DDIT4L: variants seen among roughly 807,000 people sequenced by gnomAD.
DDIT4L encodes the protein DNA damage-inducible transcript 4-like protein.
In DDIT4L, 13 loss-of-function variants were observed where a neutral mutation model predicts 15.9. The observed-to-expected ratio is 0.82, with a 90% CI of 0.53 to 1.30. The LOEUF is 1.30. DDIT4L is among the 50% of genes most tolerant of loss of function. The probability of loss-of-function intolerance (pLI) is 0.00; values close to 1 mark genes in which losing one functional copy is unlikely to be tolerated. For missense variants in DDIT4L, 235 were observed against 224.8 expected, an observed-to-expected ratio of 1.05 and a Z score of -0.29; for synonymous variants, 82 against 85.4, an observed-to-expected ratio of 0.96 and a Z score of 0.22.
rs549254098 is a variant in DDIT4L at position 100,188,791 on chromosome 4, C to T, written c.92-624G>A. On this transcript the variant is annotated intron_variant, in intron 2 of 2. Coordinates refer to ENST00000273990, the MANE Select transcript of DDIT4L (RefSeq NM_145244.4). ...CTGTAGGTCCCAATTTTAGCTTTAG[C>T]CTCTTTAATTAAAAATTGTGCAGAG... 1.4e-4 allele frequency among the ~76,000 whole-genome samples: 22 copies of T among 152,264 alleles called. No homozygotes were observed. In the East Asian group the frequency reaches 4.2e-3, roughly 29 times the overall value.
Position 100,189,697 on chromosome 4 carries a change from C to T in DDIT4L, c.91+196G>A, listed in dbSNP as rs74858143. Among the ~76,000 whole-genome samples the T allele has an allele frequency of 6.2e-3, 947 of 152,278 alleles. 11 individuals are homozygous for T. Among genetic ancestry groups the T allele is most frequent in the African/African-American group, 0.022 (908 of 41,556 alleles). On this transcript the variant is annotated intron_variant, in intron 2 of 2. Transcript: ENST00000273990. ...CACCAGACTAGAAAGATGCAGCCCT[C>T]GGGTATTCTACTTTTGCTACTTTTG... is the stretch of plus-strand genomic sequence containing the variant.
Position 100,190,037 on chromosome 4 carries a change from A to G in DDIT4L, c.-49-5T>C. ...CGCAACGGCCTTTCCTGAGCGCTGG[A>G]AAAAATGAGGCGAGAAGAGACGGAT... is the stretch of plus-strand genomic sequence containing the variant. On this transcript the variant is annotated splice_polypyrimidine_tract_variant and splice_region_variant and intron_variant, in intron 1 of 2. Coordinates refer to ENST00000273990, the MANE Select transcript of DDIT4L (RefSeq NM_145244.4). 6.5e-7 allele frequency: 1 copy of G among 1,549,962 alleles called. No individual in the cohort carries two copies.
In DDIT4L at chr4:100,186,291, C is replaced by T. The variant is rs1182807746; in HGVS notation, c.*1386G>A. 1 of 152,094 alleles carries T rather than the reference C, an allele frequency of 6.6e-6. No individual in the cohort carries two copies. The highest frequency in any genetic ancestry group is 1.9e-4 in the East Asian group (1 of 5,190). 9.4% of individuals were successfully genotyped at this position (152,094 alleles called of 1,614,324 possible). A position where few individuals can be genotyped will look rare whatever the true frequency, so the allele number is the denominator to read the frequency against. On this transcript the variant is annotated 3_prime_UTR_variant, in exon 3 of 3. Coordinates refer to ENST00000273990, the MANE Select transcript of DDIT4L (RefSeq NM_145244.4). Reference sequence around the variant, plus strand: ...GGATCACACCTGTTTTTCAGTAACACCAGGATGAATACATCTGTCCCTACG... The same window carrying T: ...GGATCACACCTGTTTTTCAGTAACATCAGGATGAATACATCTGTCCCTACG...
At chr4:100,189,800 G>A in intron 2 of DDIT4L, 93 bp downstream of exon 2, 1 of 1,142,842 alleles carries the variant, frequency 8.8e-7, no homozygotes, top group South Asian at 1.4e-5. Context: ...CTCCTACATA[G>A]AGGTAGGGGA....
In DDIT4L at chr4:100,185,952, T is replaced by C. The variant is rs1429914104; in HGVS notation, c.*1725A>G. The stretch of plus-strand genomic sequence containing the variant: ...GGAATATTAATTTAACAGCCTTCCA[T>C]AAGCCATCACCATTTTGTAAGCATA... On this transcript the variant is annotated 3_prime_UTR_variant, in exon 3 of 3. Transcript: ENST00000273990. 6.6e-6 allele frequency: 1 copy of C among 152,220 alleles called. No individual in the cohort carries two copies. The highest frequency in any genetic ancestry group is 2.4e-5 in the African/African-American group (1 of 41,466). 9.4% of individuals were successfully genotyped at this position (152,220 alleles called of 1,614,324 possible). A position where few individuals can be genotyped will look rare whatever the true frequency, so the allele number is the denominator to read the frequency against.
rs1007172385 is a variant in DDIT4L, at chr4:100,190,031, C to T, written c.-48G>A. 1.3e-6 allele frequency: 2 copies of T among 1,578,536 alleles called. No individual in the cohort carries two copies. Among genetic ancestry groups the T allele is most frequent in the African/African-American group, 1.3e-5 (1 of 74,110 alleles). On this transcript the variant is annotated splice_region_variant and 5_prime_UTR_variant, in exon 2 of 3. Coordinates refer to ENST00000273990, the MANE Select transcript of DDIT4L (RefSeq NM_145244.4). Reference sequence around the variant, plus strand: ...GCGAGGCGCAACGGCCTTTCCTGAGCGCTGGAAAAAATGAGGCGAGAAGAG... The same window carrying T: ...GCGAGGCGCAACGGCCTTTCCTGAGTGCTGGAAAAAATGAGGCGAGAAGAG...
rs1458102920 is a variant in DDIT4L, at chr4:100,187,590, G to A, written c.*87C>T. 2.1e-6 allele frequency: 3 copies of A among 1,437,808 alleles called. No homozygotes were observed. The highest frequency in any genetic ancestry group is 2.8e-6 in the Non-Finnish European group (3 of 1,084,304). 89.1% of individuals were successfully genotyped at this position (1,437,808 alleles called of 1,614,324 possible). ...CATTTGGGGTTTCTTATTTAGGGCA[G>A]GTGGGGCAAACTACAAATGACTTTA... is the stretch of plus-strand genomic sequence containing the variant. On this transcript the variant is annotated 3_prime_UTR_variant, in exon 3 of 3. Transcript: ENST00000273990.
Position 100,190,046 on chromosome 4 carries a change from G to T in DDIT4L, c.-49-14C>A. 1 of 1,509,280 alleles carries T rather than the reference G, an allele frequency of 6.6e-7. No individual in the cohort carries two copies. The highest frequency in any genetic ancestry group is 9.2e-7 in the Non-Finnish European group (1 of 1,088,026). 93.5% of individuals were successfully genotyped at this position (1,509,280 alleles called of 1,614,324 possible). ...CTTTCCTGAGCGCTGGAAAAAATGA[G>T]GCGAGAAGAGACGGATTTGCAAAAG... is the stretch of plus-strand genomic sequence containing the variant. On this transcript the variant is annotated splice_polypyrimidine_tract_variant and intron_variant, in intron 1 of 2. Coordinates refer to ENST00000273990, the MANE Select transcript of DDIT4L (RefSeq NM_145244.4).
chr4:100,187,781 A>C lies in DDIT4L; in HGVS notation c.478T>G (p.Phe160Val). The change falls in exon 3 of 3, where the codon TTC becomes GTC. Residue 160 changes from phenylalanine (F) to valine (V), a missense_variant. Coordinates refer to ENST00000273990, the MANE Select transcript of DDIT4L (RefSeq NM_145244.4). ...AGAGTTCTCCTGAAACCAGAGGAGAAGCGACCTCTACTAAAGAAAAAGTCC... is the reference window on the plus strand; with the variant it reads ...AGAGTTCTCCTGAAACCAGAGGAGACGCGACCTCTACTAAAGAAAAAGTCC... ...FRDFFFSRGRFSSGFRRTLIL... is the reference protein window; with the variant it reads ...FRDFFFSRGRVSSGFRRTLIL... 6.2e-7 allele frequency: 1 copy of C among 1,613,000 alleles called. No homozygotes were observed. Among genetic ancestry groups the C allele is most frequent in the African/African-American group, 1.3e-5 (1 of 74,916 alleles).
chr4:100,186,423 A>G lies in DDIT4L; in HGVS notation c.*1254T>C, dbSNP rs191749805. On this transcript the variant is annotated 3_prime_UTR_variant, in exon 3 of 3. Coordinates refer to ENST00000273990, the MANE Select transcript of DDIT4L (RefSeq NM_145244.4). ...ATATGAAAGCCTTGCTGAATTGAAC[A>G]TTGTTGAGTGGAGGCTAAATTCTCT... 56 of 152,270 alleles carry G rather than the reference A, an allele frequency of 3.7e-4. No individual in the cohort carries two copies. The highest frequency in any genetic ancestry group is 1.3e-3 in the African/African-American group (55 of 41,554). The allele number at this position is 152,270 out of a possible 1,614,324, so 9.4% of individuals were successfully genotyped here. A position where few individuals can be genotyped will look rare whatever the true frequency, so the allele number is the denominator to read the frequency against.
At position 100,189,914 on chromosome 4, in the gene DDIT4L, G is replaced by A; in HGVS notation, c.70C>T (p.His24Tyr). ...TCACCACTTAGCAGGCTCTCTGGGT[G>A]ATAGCCACAGTCCAGCAATTCTGAA... Reference protein sequence around the residue: ...SISELLDCGYHPESLLSDFDY... With the variant: ...SISELLDCGYYPESLLSDFDY... The change falls in exon 2 of 3, where the codon CAC (histidine) becomes TAC (tyrosine). Residue 24 changes from histidine to tyrosine, a missense_variant. His to Tyr is a moderately conservative substitution (Grantham distance 83, BLOSUM62 2). Transcript: ENST00000273990. 2 of 1,614,104 alleles carry A rather than the reference G, an allele frequency of 1.2e-6. No individual in the cohort carries two copies. The highest frequency in any genetic ancestry group is 8.5e-7 in the Non-Finnish European group (1 of 1,180,004).
intron 1 of DDIT4L, 120 bp downstream of exon 1, chr4:100,190,183 G>A: frequency 3.5e-6 from 2 of 567,026 alleles, no homozygotes; most frequent in Non-Finnish European, 3.1e-6. Context: ...ATTTGACAAA[G>A]CCCTGGGAGC....
intron 2 of DDIT4L, among the ~76,000 whole-genome samples, chr4:100,189,017 A>T (rs1329286789): frequency 1.3e-5 from 2 of 152,274 alleles, no homozygotes; most frequent in Non-Finnish European, 2.9e-5. Context: ...AACAAGGTGC[A>T]GGCAGATGCC....
chr4:100,187,903 T>TTA lies in DDIT4L; in HGVS notation c.354_355dup (p.Lys119IlefsTer51), dbSNP rs561838544. 1.2e-6 allele frequency: 2 copies of TTA among 1,613,996 alleles called. No individual in the cohort carries two copies. The highest frequency in any genetic ancestry group is 1.7e-6 in the Non-Finnish European group (2 of 1,180,004). On this transcript the variant is annotated frameshift_variant, in exon 3 of 3. Coordinates refer to ENST00000273990, the MANE Select transcript of DDIT4L (RefSeq NM_145244.4). LOFTEE classifies it high-confidence loss of function. Reference sequence around the variant, plus strand: ...ATCACACACAATCCTATCCAGCTTTTTACATACATTTTCAATTTCCAAGTT... The same window carrying TTA: ...ATCACACACAATCCTATCCAGCTTTTTATACATACATTTTCAATTTCCAAGTT...
Position 100,187,673 on chromosome 4 carries a change from C to A in DDIT4L, c.*4G>T. The A allele has an allele frequency of 6.4e-7, 1 of 1,574,206 alleles. No individual in the cohort carries two copies. The highest frequency in any genetic ancestry group is 8.5e-7 in the Non-Finnish European group (1 of 1,169,678). On this transcript the variant is annotated 3_prime_UTR_variant, in exon 3 of 3. Coordinates refer to ENST00000273990, the MANE Select transcript of DDIT4L (RefSeq NM_145244.4). ...ATGAAATAATCTTTATATATTTTCCCTTTTTAGGACCCTTCAATCACTGTT... is the reference window on the plus strand; with the variant it reads ...ATGAAATAATCTTTATATATTTTCCATTTTTAGGACCCTTCAATCACTGTT...
chr4:100,186,452 T>TA lies in DDIT4L; in HGVS notation c.*1224dup, dbSNP rs1383383010. ...TTGAGTGGAGGCTAAATTCTCTCAT[T>TA]AACATAAAAAAGGAAAGAGATAATG... On this transcript the variant is annotated 3_prime_UTR_variant, in exon 3 of 3. Transcript: ENST00000273990. 1.3e-5 allele frequency: 2 copies of TA among 152,028 alleles called. No homozygotes were observed. The highest frequency in any genetic ancestry group is 4.8e-5 in the African/African-American group (2 of 41,378). The allele number at this position is 152,028 out of a possible 1,614,324, so 9.4% of individuals were successfully genotyped here. A position where few individuals can be genotyped will look rare whatever the true frequency, so the allele number is the denominator to read the frequency against.
chr4:100,189,789 C>T (rs569819944), intron 2 of DDIT4L, 104 bp downstream of exon 2: 1 of 995,700 alleles, frequency 1.0e-6, no homozygotes, highest in African/African-American at 1.6e-5. Flanking sequence ...TTTTGTGGCA[C>T]CTCCTACATA....
rs748101614 is a variant in DDIT4L at position 100,190,032 on chromosome 4, G to T, written c.-49C>A. On this transcript the variant is annotated splice_region_variant and 5_prime_UTR_variant, in exon 2 of 3. Coordinates refer to ENST00000273990, the MANE Select transcript of DDIT4L (RefSeq NM_145244.4). ...CGAGGCGCAACGGCCTTTCCTGAGC[G>T]CTGGAAAAAATGAGGCGAGAAGAGA... 2 of 1,574,354 alleles carry T rather than the reference G, an allele frequency of 1.3e-6. No individual in the cohort carries two copies. Among genetic ancestry groups the T allele is most frequent in the South Asian group, 2.2e-5 (2 of 90,044 alleles).
Position 100,186,041 on chromosome 4 carries a change from A to C in DDIT4L, c.*1636T>G, listed in dbSNP as rs1723414815. 6.6e-6 allele frequency: 1 copy of C among 152,238 alleles called. No individual in the cohort carries two copies. The highest frequency in any genetic ancestry group is 1.5e-5 in the Non-Finnish European group (1 of 68,050). The allele number at this position is 152,238 out of a possible 1,614,324, so 9.4% of individuals were successfully genotyped here. A position where few individuals can be genotyped will look rare whatever the true frequency, so the allele number is the denominator to read the frequency against. On this transcript the variant is annotated 3_prime_UTR_variant, in exon 3 of 3. Transcript: ENST00000273990. ...GGACAACAGTTCTACATCCATGCCC[A>C]AGAAGCCTTGCCCAGTCAGTGGTGA... is the stretch of plus-strand genomic sequence containing the variant.
Sources: gnomAD v4.1 joint callset for allele counts (sites outside exome capture counted in the v4.1 genomes callset) on GRCh38, gnomAD v4.1.1 for gene constraint, MANE v1.5 for transcripts, NCBI Gene and HGNC (gene_info 2026-07-23, HGNC 2026-07-21) for gene names.